The following SLC13A4 variants were observed in gnomAD, a reference collection of about 807,000 sequenced individuals.
SLC13A4 encodes the protein solute carrier family 13 member 4, also known as Na(+)/sulfate cotransporter SUT-1.
A neutral mutation model predicts 72.7 loss-of-function variants in SLC13A4; 28 were observed. The observed-to-expected ratio is 0.39, with a 90% CI of 0.29 to 0.53. The LOEUF (loss-of-function observed/expected upper bound fraction) is 0.53, where lower values mean the gene tolerates loss of function less well. Among genes scored for constraint, SLC13A4 ranks in the 20% least tolerant of loss-of-function variants. The pLI, the probability that SLC13A4 is intolerant of heterozygous loss-of-function variation, is 0.78. For missense variants in SLC13A4, 653 were observed against 788.0 expected, an observed-to-expected ratio of 0.83 and a Z score of 2.05; for synonymous variants, 312 against 325.5, an observed-to-expected ratio of 0.96 and a Z score of 0.45.
intron 13 of SLC13A4, among the ~76,000 whole-genome samples, chr7:135,687,683 A>G (rs1056911921): frequency 2.6e-5 from 4 of 152,260 alleles, no homozygotes; most frequent in Non-Finnish European, 4.4e-5. Context: ...CTGGTAACAC[A>G]TTAAACCTTG....
chr7:135,682,675 G>T (rs1795529823), intron 15 of SLC13A4, among the ~76,000 whole-genome samples: 4 of 152,222 alleles, frequency 2.6e-5, no homozygotes. Flanking sequence ...ACCCCATGGA[G>T]CATCCAGCTG....
At chr7:135,682,355 A>G (rs1473061342) in intron 15 of SLC13A4, among the ~76,000 whole-genome samples, 1 of 152,150 alleles carries the variant, frequency 6.6e-6, no homozygotes, top group Non-Finnish European at 1.5e-5. Context: ...GGGATGTGAG[A>G]GATGGTGGGC....
chr7:135,713,138 G>T (rs546969993), intron 2 of SLC13A4, among the ~76,000 whole-genome samples: 1 of 152,286 alleles, frequency 6.6e-6, no homozygotes, highest in East Asian at 1.9e-4. Context: ...CCTGTGAGCT[G>T]GGAAGCCAGA....
intron 5 of SLC13A4, chr7:135,704,614 G>T (rs1457008600): frequency 2.0e-5 from 3 of 152,026 alleles, no homozygotes; most frequent in Non-Finnish European, 4.4e-5. Flanking sequence ...GTGAGGGGTG[G>T]GTGGGTATGG....
intron 2 of SLC13A4, among the ~76,000 whole-genome samples, chr7:135,710,554 T>C (rs542211764): frequency 6.6e-6 from 1 of 151,524 alleles, no homozygotes; most frequent in African/African-American, 2.4e-5. Context: ...TTACAAGTTA[T>C]TGACTCTGAG....
At chr7:135,726,942 C>T (rs1031840359) in intron 1 of SLC13A4, among the ~76,000 whole-genome samples, 1 of 152,222 alleles carries the variant, frequency 6.6e-6, no homozygotes, top group Admixed American at 6.5e-5. Flanking sequence ...ATTGGCTCCA[C>T]GGTTCTCTTC....
chr7:135,705,744 G>T, intron 4 of SLC13A4, 94 bp from the exon 5 acceptor site: 1 of 1,062,728 alleles, frequency 9.4e-7, no homozygotes, highest in South Asian at 1.3e-5. Context: ...GGCGGAGGTG[G>T]GCCATATGGA....
intron 11 of SLC13A4, chr7:135,691,986 C>T (rs1250704393): frequency 2.4e-6 from 1 of 418,660 alleles, no homozygotes; most frequent in African/African-American, 2.0e-5. Context: ...GCCACACCTC[C>T]ATGTGCCTCC....
At chr7:135,715,475 GTA>G in intron 2 of SLC13A4, among the ~76,000 whole-genome samples, 1 of 128,894 alleles carries the variant, frequency 7.8e-6, no homozygotes, top group East Asian at 2.4e-4. Context: ...ATGAGTGTGT[GTA>G]TGTGTATGTA....
intron 2 of SLC13A4, among the ~76,000 whole-genome samples, chr7:135,721,092 C>T (rs1796537760): frequency 2.0e-5 from 3 of 152,160 alleles, no homozygotes; most frequent in Admixed American, 2.0e-4. Context: ...GAGTTTTAGG[C>T]ATCAATCACA....
intron 2 of SLC13A4, among the ~76,000 whole-genome samples, chr7:135,710,676 G>A (rs1282189514): frequency 6.6e-6 from 1 of 152,138 alleles, no homozygotes; most frequent in Non-Finnish European, 1.5e-5. Flanking sequence ...CTTTGTGCAC[G>A]AAACACTTTG....
intron 8 of SLC13A4, among the ~76,000 whole-genome samples, chr7:135,696,375 G>T (rs1014719850): frequency 6.6e-5 from 10 of 151,910 alleles, no homozygotes; most frequent in African/African-American, 1.9e-4. Context: ...TTGAGACGGA[G>T]TCTTGCTCTG....
chr7:135,727,760 C>T lies in SLC13A4; in HGVS notation c.-264G>A. On this transcript the variant is annotated 5_prime_UTR_variant, in exon 1 of 16. Transcript: ENST00000682651. ...AAAGGAACTGGGAAAGGATGATAAA[C>T]GGGGGCATAGTGGGCCTCCTCTCGG... 1 of 430,668 alleles carries T rather than the reference C, an allele frequency of 2.3e-6. No individual in the cohort carries two copies. The highest frequency in any genetic ancestry group is 4.1e-6 in the Non-Finnish European group (1 of 242,596). 26.7% of individuals were successfully genotyped at this position (430,668 alleles called of 1,614,324 possible). A position where few individuals can be genotyped will look rare whatever the true frequency, so the allele number is the denominator to read the frequency against.
At position 135,708,048 on chromosome 7, in the gene SLC13A4, C is replaced by T. The variant is rs1309729880; in HGVS notation, c.365+66G>A. On this transcript the variant is annotated intron_variant, in intron 3 of 15. Transcript: ENST00000682651. ...GACATCCCGCAGTGACCTGAGACCACTGTCCTGGTGGCACACTGGGAGCTA... is the reference window on the plus strand; with the variant it reads ...GACATCCCGCAGTGACCTGAGACCATTGTCCTGGTGGCACACTGGGAGCTA... 15 of 1,570,112 alleles carry T rather than the reference C, an allele frequency of 9.6e-6. 1 individual carries two copies. The South Asian group carries it at 1.6e-4, about 17-fold the overall frequency.
chr7:135,705,960 G>T, intron 4 of SLC13A4, 168 bp downstream of exon 4: 1 of 623,384 alleles, frequency 1.6e-6, no homozygotes, highest in Non-Finnish European at 2.7e-6. Flanking sequence ...GAGTCCAAGA[G>T]CTGGGATGGG....
At chr7:135,708,963 T>C (rs1293971148) in intron 2 of SLC13A4, among the ~76,000 whole-genome samples, 2 of 137,004 alleles carry the variant, frequency 1.5e-5, no homozygotes, top group Non-Finnish European at 3.1e-5. Flanking sequence ...GGAGTCTCGC[T>C]CTGTCGCCCA....
chr7:135,696,397 G>A (rs1433621765), intron 8 of SLC13A4, among the ~76,000 whole-genome samples: 2 of 151,714 alleles, frequency 1.3e-5, no homozygotes, highest in Non-Finnish European at 2.9e-5. Context: ...CGCTTAGGCT[G>A]GAGTGCAGTG....
intron 10 of SLC13A4, among the ~76,000 whole-genome samples, chr7:135,693,864 C>A (rs1795845543): frequency 6.6e-6 from 1 of 152,208 alleles, no homozygotes; most frequent in South Asian, 2.1e-4. Flanking sequence ...TGCTGTCTTT[C>A]CCTTCTTCTG....
chr7:135,727,062 T>A (rs911552535), intron 1 of SLC13A4, among the ~76,000 whole-genome samples: 1 of 152,160 alleles, frequency 6.6e-6, no homozygotes, highest in African/African-American at 2.4e-5. Context: ...AGGTGCACCA[T>A]GTCGTTTGCA....
Sources: gnomAD v4.1 joint callset for allele counts (sites outside exome capture counted in the v4.1 genomes callset) on GRCh38, gnomAD v4.1.1 for gene constraint, MANE v1.5 for transcripts, NCBI Gene and HGNC (gene_info 2026-07-23, HGNC 2026-07-21) for gene names.